The following KIRREL3 variants were observed in gnomAD, a reference collection of about 807,000 sequenced individuals.
KIRREL3 encodes the protein kin of IRRE-like protein 3.
Under a neutral mutation model 89.7 loss-of-function variants are expected in KIRREL3, and 36 were observed. The ratio of observed to expected loss-of-function variants is 0.40; its 90% CI spans 0.31 to 0.53. The LOEUF is 0.53. Among genes scored for constraint, KIRREL3 ranks in the 20% least tolerant of loss-of-function variants. The probability of loss-of-function intolerance (pLI) is 0.49; values close to 1 mark genes in which losing one functional copy is unlikely to be tolerated. For missense variants in KIRREL3, 864 were observed against 1,056.6 expected, an observed-to-expected ratio of 0.82 and a Z score of 2.53; for synonymous variants, 445 against 441.4, an observed-to-expected ratio of 1.01 and a Z score of -0.10.
At position 126,804,190 on chromosome 11, in the gene KIRREL3, C is replaced by A. The variant is rs115048025; in HGVS notation, c.55+196265G>T. ...CGCTAGGAAATAAACCTGATGAAAC[C>A]AAAAACCTGTGACCATTGAGGTCTT... On this transcript the variant is annotated intron_variant, in intron 1 of 16. Transcript: ENST00000525144. Among the ~76,000 whole-genome samples the A allele has an allele frequency of 2.3e-3, 344 of 152,234 alleles. 3 individuals are homozygous for A. Among genetic ancestry groups the A allele is most frequent in the African/African-American group, 7.8e-3 (324 of 41,540 alleles).
At chr11:126,699,303 C>T (rs1947221772) in intron 1 of KIRREL3, among the ~76,000 whole-genome samples, 1 of 152,214 alleles carries the variant, frequency 6.6e-6, no homozygotes, top group Non-Finnish European at 1.5e-5. Flanking sequence ...CCCAGAATTG[C>T]TGAGTGGATG....
At chr11:126,512,559 G>C (rs562308577) in intron 4 of KIRREL3, among the ~76,000 whole-genome samples, 1 of 152,318 alleles carries the variant, frequency 6.6e-6, no homozygotes, top group African/African-American at 2.4e-5. Flanking sequence ...GCCTCCTCCA[G>C]GCAGCTGCCC....
At position 126,647,084 on chromosome 11, in the gene KIRREL3, A is replaced by G. The variant is rs569664119; in HGVS notation, c.56-84172T>C. On this transcript the variant is annotated intron_variant, in intron 1 of 16. Coordinates refer to ENST00000525144, the MANE Select transcript of KIRREL3 (RefSeq NM_032531.4). The surrounding 1 kb of genome is among the most constrained non-coding windows in gnomAD (Gnocchi z 4.9). ...TTTAGAAAGTATTACTCATCTTCCA[A>G]CCACTGACAAACAGGAGGCTCGGCA... is the stretch of plus-strand genomic sequence containing the variant. Among the ~76,000 whole-genome samples the G allele has an allele frequency of 7.9e-5, 12 of 152,306 alleles. No homozygotes were observed. In the South Asian group the frequency reaches 2.1e-3, roughly 26 times the overall value.
intron 1 of KIRREL3, among the ~76,000 whole-genome samples, chr11:126,588,020 A>T (rs1469600697): frequency 6.6e-6 from 1 of 152,168 alleles, no homozygotes; most frequent in Admixed American, 6.5e-5. Flanking sequence ...TTGGGCCATG[A>T]GGTAGATTGG....
rs148187661 is a variant in KIRREL3 at position 126,840,203 on chromosome 11, T to C, written c.55+160252A>G. On this transcript the variant is annotated intron_variant, in intron 1 of 16. Coordinates refer to ENST00000525144, the MANE Select transcript of KIRREL3 (RefSeq NM_032531.4). Reference sequence around the variant, plus strand: ...ATCTTTCTTTTAGTGGAAAGAGGCATCTCATGCATATTTCAACTCTAGAAC... The same window carrying C: ...ATCTTTCTTTTAGTGGAAAGAGGCACCTCATGCATATTTCAACTCTAGAAC... 2.7e-3 allele frequency among the ~76,000 whole-genome samples: 412 copies of C among 152,318 alleles called. 2 individuals are homozygous for C. Among genetic ancestry groups the C allele is most frequent in the African/African-American group, 9.1e-3 (378 of 41,566 alleles).
At chr11:126,947,406 G>A (rs1948649503) in intron 1 of KIRREL3, among the ~76,000 whole-genome samples, 1 of 152,192 alleles carries the variant, frequency 6.6e-6, no homozygotes, top group Admixed American at 6.5e-5. Context: ...AACATTTGCT[G>A]CACTACTCAG....
Position 126,805,455 on chromosome 11 carries a change from C to T in KIRREL3, c.55+195000G>A, listed in dbSNP as rs778287135. ...GACAGTTTCCCACACAAGCCTCAGC[C>T]CATCTCATCTGGTTTTGTTCTGAAC... On this transcript the variant is annotated intron_variant, in intron 1 of 16. Transcript: ENST00000525144. The surrounding 1 kb of genome is among the most constrained non-coding windows in gnomAD (Gnocchi z 4.3). Among the ~76,000 whole-genome samples, 39 of 152,162 alleles carry T rather than the reference C, an allele frequency of 2.6e-4. No individual in the cohort carries two copies. Among genetic ancestry groups the T allele is most frequent in the Non-Finnish European group, 5.3e-4 (36 of 68,024 alleles).
rs1958371134 is a variant in KIRREL3, at chr11:126,515,193, G to C, written c.433+6122C>G. 6.6e-6 allele frequency among the ~76,000 whole-genome samples: 1 copy of C among 152,192 alleles called. No homozygotes were observed. The highest frequency in any genetic ancestry group is 2.1e-4 in the South Asian group (1 of 4,828). On this transcript the variant is annotated intron_variant, in intron 4 of 16. Coordinates refer to ENST00000525144, the MANE Select transcript of KIRREL3 (RefSeq NM_032531.4). The surrounding 1 kb of genome is among the most constrained non-coding windows in gnomAD (Gnocchi z 4.2). ...TCTCAGCATTTTAGGAGGCTGAGTT[G>C]GGTGGATCCCTTGAGCCCAGAAGTT...
rs1943827824 is a variant in KIRREL3 at position 126,627,187 on chromosome 11, G to C, written c.56-64275C>G. Among the ~76,000 whole-genome samples, 1 of 152,140 alleles carries C rather than the reference G, an allele frequency of 6.6e-6. No homozygotes were observed. The highest frequency in any genetic ancestry group is 1.5e-5 in the Non-Finnish European group (1 of 68,010). On this transcript the variant is annotated intron_variant, in intron 1 of 16. Coordinates refer to ENST00000525144, the MANE Select transcript of KIRREL3 (RefSeq NM_032531.4). This position sits in a 1 kb window ranked among gnomAD's most constrained non-coding sequence, Gnocchi z 5.0. ...TATAAGCATAAGGAGGTGGAGGTGA[G>C]AGAATTTCAGACTGAGGAACTGAAA...
Position 126,748,431 on chromosome 11 carries a change from TTCA to T in KIRREL3, c.56-185522_56-185520del, listed in dbSNP as rs1370429419. On this transcript the variant is annotated intron_variant, in intron 1 of 16. Coordinates refer to ENST00000525144, the MANE Select transcript of KIRREL3 (RefSeq NM_032531.4). This position sits in a 1 kb window ranked among gnomAD's most constrained non-coding sequence, Gnocchi z 4.6. ...CCAGACTCAGGCCCCAAAAGGTTAT[TTCA>T]TCAATAATTCTTGAGCTTGCCTACG... 1.3e-5 allele frequency among the ~76,000 whole-genome samples: 2 copies of T among 152,226 alleles called. No homozygotes were observed. The highest frequency in any genetic ancestry group is 2.9e-5 in the Non-Finnish European group (2 of 68,040).
rs889333657 is a variant in KIRREL3 at position 126,900,209 on chromosome 11, C to A, written c.55+100246G>T. 2.6e-5 allele frequency among the ~76,000 whole-genome samples: 4 copies of A among 152,146 alleles called. No individual in the cohort carries two copies. Among genetic ancestry groups the A allele is most frequent in the African/African-American group, 9.7e-5 (4 of 41,438 alleles). On this transcript the variant is annotated intron_variant, in intron 1 of 16. Transcript: ENST00000525144. This position sits in a 1 kb window ranked among gnomAD's most constrained non-coding sequence, Gnocchi z 4.4. ...ATGTGCCTAATTTATAGCAAGTCAC[C>A]TACTACTAGAACATCGGCCCTTCAG...
At position 126,445,037 on chromosome 11, in the gene KIRREL3, G is replaced by A. The variant is rs1166447058; in HGVS notation, c.1194C>T (p.Cys398=). ...VRQEDAGKYV[C]RAVVPRVGAG... ...CTCCCACACGGGGCACCACAGCCCGGCACACGTACTTGCCCGCGTCCTCCT... is the reference window on the plus strand; with the variant it reads ...CTCCCACACGGGGCACCACAGCCCGACACACGTACTTGCCCGCGTCCTCCT... The change falls in exon 10 of 17, where the codon TGC becomes TGT. Residue 398 remains cysteine (C), a synonymous_variant. Coordinates refer to ENST00000525144, the MANE Select transcript of KIRREL3 (RefSeq NM_032531.4). 2 of 1,613,988 alleles carry A rather than the reference G, an allele frequency of 1.2e-6. No individual in the cohort carries two copies. The highest frequency in any genetic ancestry group is 1.7e-6 in the Non-Finnish European group (2 of 1,179,898).
At position 126,814,821 on chromosome 11, in the gene KIRREL3, G is replaced by A. The variant is rs1774759525; in HGVS notation, c.55+185634C>T. On this transcript the variant is annotated intron_variant, in intron 1 of 16. Transcript: ENST00000525144. This position sits in a 1 kb window ranked among gnomAD's most constrained non-coding sequence, Gnocchi z 4.4. ...TAGGAAGAATAGCTAATGGATGCTG[G>A]GCTTAATACCTGGGTGATGGTGGTG... Among the ~76,000 whole-genome samples, 1 of 152,142 alleles carries A rather than the reference G, an allele frequency of 6.6e-6. No individual in the cohort carries two copies. Among genetic ancestry groups the A allele is most frequent in the Non-Finnish European group, 1.5e-5 (1 of 68,036 alleles).
At chr11:126,975,140 C>T (rs1169321076) in intron 1 of KIRREL3, among the ~76,000 whole-genome samples, 4 of 152,086 alleles carry the variant, frequency 2.6e-5, no homozygotes, top group Non-Finnish European at 4.4e-5. Context: ...TATAAGACCA[C>T]CGTCATATAT....
Position 126,558,070 on chromosome 11 carries a change from C to T in KIRREL3, c.133+4765G>A, listed in dbSNP as rs962295342. Reference sequence around the variant, plus strand: ...TTGCAATGCTGAAAGTCCACGGAAACCGACACCCACCCTGATGGGCAGCCC... The same window carrying T: ...TTGCAATGCTGAAAGTCCACGGAAATCGACACCCACCCTGATGGGCAGCCC... On this transcript the variant is annotated intron_variant, in intron 2 of 16. Coordinates refer to ENST00000525144, the MANE Select transcript of KIRREL3 (RefSeq NM_032531.4). This position sits in a 1 kb window ranked among gnomAD's most constrained non-coding sequence, Gnocchi z 4.0. Among the ~76,000 whole-genome samples, 1 of 152,216 alleles carries T rather than the reference C, an allele frequency of 6.6e-6. No homozygotes were observed.
intron 1 of KIRREL3, among the ~76,000 whole-genome samples, chr11:126,692,201 C>T (rs1035639540): frequency 3.9e-5 from 6 of 152,046 alleles, no homozygotes; most frequent in Admixed American, 1.3e-4. Flanking sequence ...AGCAGGGTGT[C>T]GATTCGCACA....
At chr11:126,688,078 C>T (rs989103782) in intron 1 of KIRREL3, among the ~76,000 whole-genome samples, 8 of 152,174 alleles carry the variant, frequency 5.3e-5, no homozygotes, top group African/African-American at 1.2e-4. Context: ...ATGTCAATTC[C>T]GAGAGGCCTA....
intron 1 of KIRREL3, among the ~76,000 whole-genome samples, chr11:126,583,544 G>A (rs666851): frequency 6.6e-6 from 1 of 152,220 alleles, no homozygotes; most frequent in African/African-American, 2.4e-5. Flanking sequence ...TCTAGCATGA[G>A]GAGGACGGGA....
chr11:126,793,646 T>C (rs1333249497), intron 1 of KIRREL3, among the ~76,000 whole-genome samples: 1 of 152,100 alleles, frequency 6.6e-6, no homozygotes, highest in Non-Finnish European at 1.5e-5. Flanking sequence ...AGGGAGCAGT[T>C]GAAGGAAGAG....
Sources: allele counts gnomAD v4.1 joint callset (sites outside exome capture counted in the v4.1 genomes callset), GRCh38; gene constraint gnomAD v4.1.1; non-coding constraint Gnocchi (gnomAD v3.1); transcripts MANE v1.5; gene names NCBI Gene and HGNC (gene_info 2026-07-23, HGNC 2026-07-21).